The following RIC1 variants were observed in gnomAD, a reference collection of about 807,000 sequenced individuals.
The protein encoded by RIC1 is guanine nucleotide exchange factor subunit RIC1.
RIC1 carries 88 observed loss-of-function variants against 169.0 expected under a neutral mutation model. The ratio of observed to expected loss-of-function variants is 0.52; its 90% CI spans 0.44 to 0.62. The LOEUF is 0.62. RIC1 is among the 20% of genes least tolerant of loss of function. The pLI, the probability that RIC1 is intolerant of heterozygous loss-of-function variation, is 0.00. For synonymous variants in RIC1, 790 were observed against 601.5 expected (o/e 1.31, Z -4.59); for missense variants, 1,877 against 1,725.5 (o/e 1.09, Z -1.56).
intron 2 of RIC1, among the ~76,000 whole-genome samples, chr9:5,658,884 A>G (rs183065180): frequency 7.3e-5 from 11 of 150,532 alleles, no homozygotes; most frequent in African/African-American, 2.2e-4. Context: ...ACCACCATCT[A>G]CCACTTAACA....
At chr9:5,677,196 T>A (rs966709137) in intron 2 of RIC1, among the ~76,000 whole-genome samples, 3 of 152,222 alleles carry the variant, frequency 2.0e-5, no homozygotes, top group African/African-American at 7.2e-5. Context: ...TGGTAGGGTA[T>A]GCCTTTTTAA....
At chr9:5,684,274 A>ACCACCC (rs1563897790) in intron 2 of RIC1, among the ~76,000 whole-genome samples, 2 of 7,630 alleles carry the variant, frequency 2.6e-4, no homozygotes, top group African/African-American at 5.7e-4. Context: ...TCTTGGCTCC[A>ACCACCC]CCCCCCCCCC....
Position 5,769,222 on chromosome 9 carries a change from C to A in RIC1, c.3390C>A (p.Ile1130=). The A allele has an allele frequency of 6.2e-7, 1 of 1,614,162 alleles. No homozygotes were observed. Among genetic ancestry groups the A allele is most frequent in the Non-Finnish European group, 8.5e-7 (1 of 1,179,994 alleles). ...WPLPIIPASS[I]SSPFKNGKYR... is the part of the protein sequence containing the mutation. ...TTCCAATCATCCCAGCCTCTTCTAT[C>A]AGTTCTCCTTTCAAAAATGGAAAAT... Residue 1130 remains isoleucine, a synonymous_variant, in exon 22 of 26, where the codon ATC becomes ATA. Coordinates refer to ENST00000414202, the MANE Select transcript of RIC1 (RefSeq NM_020829.4).
chr9:5,669,376 G>A (rs915085432), intron 2 of RIC1, among the ~76,000 whole-genome samples: 5 of 152,332 alleles, frequency 3.3e-5, no homozygotes, highest in East Asian at 1.9e-4. Context: ...GAGTGAGAAC[G>A]TAGGATGTTT....
chr9:5,633,533 A>G (rs1041697161), intron 1 of RIC1, among the ~76,000 whole-genome samples: 3 of 152,128 alleles, frequency 2.0e-5, no homozygotes, highest in African/African-American at 4.8e-5. Flanking sequence ...TACCGTAACC[A>G]TAAGTGTTCA....
chr9:5,752,595 C>G (rs1825785947), intron 12 of RIC1, among the ~76,000 whole-genome samples: 1 of 152,056 alleles, frequency 6.6e-6, no homozygotes, highest in African/African-American at 2.4e-5. Context: ...CATGCACCAT[C>G]ATGCACGGTT....
intron 1 of RIC1, among the ~76,000 whole-genome samples, chr9:5,642,379 C>T (rs527303079): frequency 6.9e-6 from 1 of 144,210 alleles, no homozygotes; most frequent in African/African-American, 2.8e-5. Flanking sequence ...CCAAGGCCTG[C>T]TGTCACCACC....
intron 6 of RIC1, among the ~76,000 whole-genome samples, chr9:5,724,398 C>T (rs371287091): frequency 6.6e-6 from 1 of 152,256 alleles, no homozygotes. Flanking sequence ...GTGATTTTTG[C>T]ACATTCATTT....
rs373541178 is a variant in RIC1, at chr9:5,762,720, G to A, written c.2112+60G>A. ...TAAGAAGGTATGGGATGAGGATGAA[G>A]GAATGAAACAATTTAAGAGAAGAGT... On this transcript the variant is annotated intron_variant, in intron 18 of 25. Coordinates refer to ENST00000414202, the MANE Select transcript of RIC1 (RefSeq NM_020829.4). The A allele has an allele frequency of 3.2e-6, 5 of 1,547,466 alleles. No individual in the cohort carries two copies. In the Admixed American group the frequency reaches 9.8e-5, roughly 30 times the overall value.
chr9:5,769,273 G>A lies in RIC1; in HGVS notation c.3424+17G>A, dbSNP rs1404355426. The A allele has an allele frequency of 6.2e-7, 1 of 1,613,882 alleles. No homozygotes were observed. Among genetic ancestry groups the A allele is most frequent in the African/African-American group, 1.3e-5 (1 of 75,020 alleles). On this transcript the variant is annotated intron_variant, in intron 22 of 25. Transcript: ENST00000414202. ...ACCGAACTGGTAATGTAGACTTCAT[G>A]TCACTTGTACAAGGAGAATTGTATT... is the stretch of plus-strand genomic sequence containing the variant.
chr9:5,766,835 T>A lies in RIC1; in HGVS notation c.3137+1037T>A, dbSNP rs1026957829. Among the ~76,000 whole-genome samples, 4 of 152,236 alleles carry A rather than the reference T, an allele frequency of 2.6e-5. No individual in the cohort carries two copies. The East Asian group carries it at 7.7e-4, about 29-fold the overall frequency. ...TGTGCAAGTATCTTTTTTGAATGAC[T>A]TCTTTTCCTCTGGGTAGAACCCCAG... is the stretch of plus-strand genomic sequence containing the variant. On this transcript the variant is annotated intron_variant, in intron 21 of 25. Transcript: ENST00000414202.
chr9:5,752,537 T>C (rs1466400213), intron 12 of RIC1, among the ~76,000 whole-genome samples: 1 of 150,072 alleles, frequency 6.7e-6, no homozygotes, highest in Non-Finnish European at 1.5e-5. Flanking sequence ...GCCTCCCGGG[T>C]TCAAGCGATT....
chr9:5,711,806 A>C (rs368523124), intron 3 of RIC1, among the ~76,000 whole-genome samples: 1 of 152,062 alleles, frequency 6.6e-6, no homozygotes, highest in Non-Finnish European at 1.5e-5. Context: ...ATTCCCACCT[A>C]TGAGTGAGAA....
intron 1 of RIC1, among the ~76,000 whole-genome samples, chr9:5,631,794 C>T (rs1390742895): frequency 6.6e-6 from 1 of 151,834 alleles, no homozygotes; most frequent in East Asian, 1.9e-4. Flanking sequence ...TTCCAATCTT[C>T]TCTTCCTGGG....
At chr9:5,752,540 A>C (rs1174391102) in intron 12 of RIC1, among the ~76,000 whole-genome samples, 1 of 151,640 alleles carries the variant, frequency 6.6e-6, no homozygotes, top group Non-Finnish European at 1.5e-5. Context: ...TCCCGGGTTC[A>C]AGCGATTGTC....
intron 2 of RIC1, among the ~76,000 whole-genome samples, chr9:5,666,181 C>T (rs7849484): frequency 0.11 from 16,138 of 152,170 alleles, 1,208 homozygotes; most frequent in East Asian, 0.27. Flanking sequence ...TGAGGTCTCA[C>T]GTAAAGAAGC....
intron 1 of RIC1, among the ~76,000 whole-genome samples, chr9:5,635,670 C>A (rs922209546): frequency 2.0e-5 from 3 of 152,174 alleles, no homozygotes; most frequent in African/African-American, 7.2e-5. Flanking sequence ...TCCTCATAAT[C>A]CCCATGTATG....
intron 6 of RIC1, among the ~76,000 whole-genome samples, chr9:5,720,991 C>T (rs1215735220): frequency 6.6e-6 from 1 of 152,146 alleles, no homozygotes; most frequent in African/African-American, 2.4e-5. Context: ...TTGGAGGCAA[C>T]TACTTGTTAT....
chr9:5,652,344 A>G (rs914242914), intron 1 of RIC1, among the ~76,000 whole-genome samples: 7 of 152,242 alleles, frequency 4.6e-5, no homozygotes, highest in Non-Finnish European at 8.8e-5. Context: ...ATCTATAAAC[A>G]TGGGATATCT....
Sources: allele counts gnomAD v4.1 joint callset (sites outside exome capture counted in the v4.1 genomes callset), GRCh38; gene constraint gnomAD v4.1.1; transcripts MANE v1.5; gene names NCBI Gene and HGNC (gene_info 2026-07-23, HGNC 2026-07-21).